RARB: variants seen among roughly 807,000 people sequenced by gnomAD.
RARB encodes HBV-activated protein.
A neutral mutation model predicts 51.9 loss-of-function variants in RARB; 17 were observed. The observed-to-expected ratio is 0.33, with a 90% confidence interval of 0.22 to 0.49. The LOEUF (loss-of-function observed/expected upper bound fraction) is 0.49, where lower values mean the gene tolerates loss of function less well. RARB is among the 20% of genes least tolerant of loss of function. The pLI is 0.99. For missense variants in RARB, 369 were observed against 550.8 expected, an observed-to-expected ratio of 0.67 and a Z score of 3.30; for synonymous variants, 215 against 195.4, an observed-to-expected ratio of 1.10 and a Z score of -0.84.
intron 5 of RARB, among the ~76,000 whole-genome samples, chr3:25,219,031 C>T (rs868723648): frequency 6.6e-6 from 1 of 152,170 alleles, no homozygotes; most frequent in South Asian, 2.1e-4. Flanking sequence ...CCTTTGTCAA[C>T]CCATCATGTG....
At chr3:25,448,085 A>G (rs893162495) in intron 1 of RARB, among the ~76,000 whole-genome samples, 1 of 152,036 alleles carries the variant, frequency 6.6e-6, no homozygotes, top group Non-Finnish European at 1.5e-5. Context: ...ATTGAGGCTC[A>G]GAGAGGTTAA....
Position 25,201,764 on chromosome 3 carries a change from C to G in RARB, c.178+27189C>G, listed in dbSNP as rs555159201. On this transcript the variant is annotated intron_variant, in intron 5 of 11. Coordinates refer to the RARB transcript ENST00000383772. ...GTTTTCGTATGTTGAACCAGCCTTG[C>G]ATCCCAGGGATGAAGCCCACTTGAT... Among the ~76,000 whole-genome samples, 8 of 152,318 alleles carry G rather than the reference C, an allele frequency of 5.3e-5. No homozygotes were observed. The South Asian group carries it at 1.7e-3, about 32-fold the overall frequency.
intron 2 of RARB, among the ~76,000 whole-genome samples, chr3:24,949,417 C>A (rs183675325): frequency 1.3e-5 from 2 of 151,926 alleles, no homozygotes; most frequent in Non-Finnish European, 2.9e-5. Context: ...AGAGGGTGCA[C>A]GGTAAAATCG....
intron 2 of RARB, among the ~76,000 whole-genome samples, chr3:24,863,596 A>G (rs1702795406): frequency 6.6e-6 from 1 of 152,156 alleles, no homozygotes; most frequent in Non-Finnish European, 1.5e-5. Flanking sequence ...GAAAACAGGG[A>G]ATAAGATTTC....
intron 5 of RARB, among the ~76,000 whole-genome samples, chr3:25,363,565 T>G (rs186848938): frequency 3.3e-5 from 5 of 152,286 alleles, no homozygotes; most frequent in Admixed American, 3.3e-4. Context: ...GAAATTCTAT[T>G]GACTCCACCA....
At chr3:25,509,333 G>A (rs1228477441) in intron 3 of RARB, among the ~76,000 whole-genome samples, 4 of 152,338 alleles carry the variant, frequency 2.6e-5, no homozygotes, top group Non-Finnish European at 2.9e-5. Context: ...AGTAAGTGCC[G>A]AATGAGAGTG....
chr3:25,566,460 A>G (rs926254725), intron 3 of RARB, among the ~76,000 whole-genome samples: 3 of 152,174 alleles, frequency 2.0e-5, no homozygotes, highest in African/African-American at 4.8e-5. Context: ...GGCTGCTCCA[A>G]ATTGGGCCCA....
At chr3:25,305,889 T>C (rs1300958844) in intron 5 of RARB, among the ~76,000 whole-genome samples, 1 of 152,172 alleles carries the variant, frequency 6.6e-6, no homozygotes, top group Admixed American at 6.5e-5. Flanking sequence ...ATATAAACAT[T>C]CAGGTGATGA....
At chr3:25,386,976 G>A (rs2125484101) in intron 5 of RARB, among the ~76,000 whole-genome samples, 1 of 152,294 alleles carries the variant, frequency 6.6e-6, no homozygotes, top group Non-Finnish European at 1.5e-5. Flanking sequence ...CAAGTTTGTT[G>A]TCTGCCAGCA....
intron 5 of RARB, among the ~76,000 whole-genome samples, chr3:25,247,349 T>A (rs933367828): frequency 2.6e-5 from 4 of 152,170 alleles, no homozygotes; most frequent in African/African-American, 9.7e-5. Context: ...TTGCTGGTGT[T>A]CCAGGTGCCA....
chr3:25,497,185 G>A (rs868766861), intron 2 of RARB, among the ~76,000 whole-genome samples: 2 of 152,066 alleles, frequency 1.3e-5, no homozygotes, highest in South Asian at 2.1e-4. Flanking sequence ...GCGCCTGGCC[G>A]AAAACCAGGT....
intron 2 of RARB, among the ~76,000 whole-genome samples, chr3:24,917,493 AG>A (rs1406891333): frequency 7.9e-5 from 12 of 152,236 alleles, no homozygotes; most frequent in African/African-American, 2.7e-4. Context: ...TTGATTGAAT[AG>A]TCACTTCATC....
intron 2 of RARB, among the ~76,000 whole-genome samples, chr3:25,468,884 TAA>T (rs747841956): frequency 2.6e-5 from 4 of 152,192 alleles, no homozygotes; most frequent in Non-Finnish European, 5.9e-5. Context: ...TTCCTATCCC[TAA>T]GCCAACCTTT....
chr3:25,387,742 A>C (rs542210882), intron 5 of RARB, among the ~76,000 whole-genome samples: 1 of 152,054 alleles, frequency 6.6e-6, no homozygotes, highest in Non-Finnish European at 1.5e-5. Flanking sequence ...CACTTCAGCA[A>C]TGTCTTTGTT....
rs189864854 is a variant in RARB at position 25,239,616 on chromosome 3, C to T, written c.178+65041C>T. Among the ~76,000 whole-genome samples the T allele has an allele frequency of 2.8e-3, 424 of 152,208 alleles. 3 individuals carry two copies. The highest frequency in any genetic ancestry group is 9.9e-3 in the African/African-American group (410 of 41,550). On this transcript the variant is annotated intron_variant, in intron 5 of 11. Coordinates refer to the RARB transcript ENST00000383772. ...GTCAAAAATCAGTTGGCTATATATA[C>T]ATAGATTTATTTCTGGGTCCTCTAT... is the stretch of plus-strand genomic sequence containing the variant.
intron 3 of RARB, among the ~76,000 whole-genome samples, chr3:25,514,128 G>A (rs2125624282): frequency 6.6e-6 from 1 of 152,266 alleles, no homozygotes; most frequent in South Asian, 2.1e-4. Flanking sequence ...GGCCCTTTAA[G>A]TACCTTCTCC....
chr3:24,883,992 C>T (rs981724497), intron 2 of RARB, among the ~76,000 whole-genome samples: 4 of 152,130 alleles, frequency 2.6e-5, no homozygotes, highest in Admixed American at 6.6e-5. Context: ...TTTCTCCCAT[C>T]TAAATAGGTA....
At chr3:25,214,378 A>G (rs1701769899) in intron 5 of RARB, among the ~76,000 whole-genome samples, 1 of 152,246 alleles carries the variant, frequency 6.6e-6, no homozygotes, top group Non-Finnish European at 1.5e-5. Context: ...TCTAACTTTG[A>G]AGAATATGAG....
At chr3:25,565,038 C>T (rs1700434947) in intron 3 of RARB, among the ~76,000 whole-genome samples, 1 of 152,194 alleles carries the variant, frequency 6.6e-6, no homozygotes. Flanking sequence ...CCAGCGTTAG[C>T]TTCCTAATCT....
Sources: gnomAD v4.1 joint callset for allele counts (sites outside exome capture counted in the v4.1 genomes callset) on GRCh38, gnomAD v4.1.1 for gene constraint, MANE v1.5 for transcripts, NCBI Gene and HGNC (gene_info 2026-07-23, HGNC 2026-07-21) for gene names.